The following TTLL7 variants were observed in gnomAD, a reference collection of about 807,000 sequenced individuals.
TTLL7 encodes the protein tubulin tyrosine ligase like 7.
Under a neutral mutation model 120.2 loss-of-function variants are expected in TTLL7, and 53 were observed. The observed-to-expected ratio is 0.44, with a 90% CI of 0.35 to 0.55. TTLL7 has a LOEUF of 0.55. Among genes scored for constraint, TTLL7 ranks in the 20% least tolerant of loss-of-function variants. The probability of loss-of-function intolerance (pLI) is 0.00; values close to 1 mark genes in which losing one functional copy is unlikely to be tolerated. For synonymous variants in TTLL7, 353 were observed against 351.7 expected (o/e 1.00, Z -0.04); for missense variants, 803 against 1,054.7 (o/e 0.76, Z 3.31).
intron 1 of TTLL7, among the ~76,000 whole-genome samples, chr1:83,973,995 T>C (rs2100578753): frequency 6.6e-6 from 1 of 152,130 alleles, no homozygotes; most frequent in Middle Eastern, 3.4e-3. Context: ...TCAGGCTGGA[T>C]CCTGAAGATT....
In TTLL7 at chr1:83,869,996, T is replaced by C. The variant is rs778975719; in HGVS notation, c.2630A>G (p.Asn877Ser). The C allele has an allele frequency of 6.1e-5, 97 of 1,592,850 alleles. 1 individual carries two copies. In the Middle Eastern group the frequency reaches 6.6e-4, roughly 11 times the overall value. The change falls in exon 21 of 21, where the codon AAT becomes AGT. Residue 877 changes from asparagine to serine, a missense_variant. By Grantham distance (46) the Asn-to-Ser change is conservative (BLOSUM62 1). This residue lies in a region of TTLL7 where 388 missense variants were observed against 450.4 expected (regional missense o/e 0.86). Transcript: ENST00000260505. ...KYNSPGMTRS[N>S]VLFTSRYGHL ...GCCATATCTGGATGTAAACAAAACATTGGAGCGAGTCATTCCAGGTGAATT... is the reference window on the plus strand; with the variant it reads ...GCCATATCTGGATGTAAACAAAACACTGGAGCGAGTCATTCCAGGTGAATT...
Position 83,988,068 on chromosome 1 carries a change from T to C in TTLL7, c.-177+10863A>G, listed in dbSNP as rs1461074027. Among the ~76,000 whole-genome samples, 16 of 152,298 alleles carry C rather than the reference T, an allele frequency of 1.1e-4. No homozygotes were observed. The South Asian group carries it at 1.9e-3, about 18-fold the overall frequency. ...TCCATATAGTAATCCCCAGAGTCTA[T>C]TGTTGTCATCTTTACGTCCATGAGT... On this transcript the variant is annotated intron_variant, in intron 1 of 20. Coordinates refer to ENST00000260505, the MANE Select transcript of TTLL7 (RefSeq NM_024686.6).
At chr1:83,873,482 T>TA (rs1653631307) in intron 20 of TTLL7, among the ~76,000 whole-genome samples, 2 of 152,140 alleles carry the variant, frequency 1.3e-5, no homozygotes, top group South Asian at 4.1e-4. Context: ...TGTAAAGCAC[T>TA]AAAAAATGGG....
At chr1:83,936,068 A>T (rs1017614082) in intron 8 of TTLL7, among the ~76,000 whole-genome samples, 1 of 152,174 alleles carries the variant, frequency 6.6e-6, no homozygotes, top group South Asian at 2.1e-4. Flanking sequence ...TCAGAGATTA[A>T]TAGGCCCACA....
intron 15 of TTLL7, 151 bp downstream of exon 15, chr1:83,911,014 G>A (rs1164855574): frequency 2.1e-5 from 13 of 632,860 alleles, no homozygotes; most frequent in Non-Finnish European, 3.3e-5. Flanking sequence ...TAAGGGATGT[G>A]CCCGAGTCTG....
chr1:83,981,031 C>T (rs1380342742), intron 1 of TTLL7: 3 of 147,154 alleles, frequency 2.0e-5, no homozygotes, highest in African/African-American at 5.2e-5. Flanking sequence ...GTTTCAAAAA[C>T]TTATAAATAA....
intron 1 of TTLL7, among the ~76,000 whole-genome samples, chr1:83,991,812 CTATT>C (rs1653026501): frequency 6.6e-6 from 1 of 152,062 alleles, no homozygotes; most frequent in Admixed American, 6.6e-5. Context: ...CTAAATCACT[CTATT>C]TATAGATATT....
chr1:83,896,728 T>C (rs1656257311), intron 18 of TTLL7, among the ~76,000 whole-genome samples: 1 of 152,088 alleles, frequency 6.6e-6, no homozygotes. Flanking sequence ...AACAAGGACC[T>C]CTTAGCACCC....
intron 18 of TTLL7, among the ~76,000 whole-genome samples, chr1:83,897,465 TATCAC>T (rs1656332344): frequency 6.6e-6 from 1 of 152,128 alleles, no homozygotes; most frequent in Non-Finnish European, 1.5e-5. Flanking sequence ...AATTAAAATG[TATCAC>T]GCACAGCCTT....
At chr1:83,893,398 G>GA (rs36085383) in intron 18 of TTLL7, among the ~76,000 whole-genome samples, 23 of 151,310 alleles carry the variant, frequency 1.5e-4, no homozygotes, top group Admixed American at 1.3e-3. Context: ...AAAAAAAAAT[G>GA]AACACCAAAT....
At chr1:83,904,282 G>T (rs180938981) in intron 17 of TTLL7, 123 bp from the exon 18 acceptor site, 22 of 672,670 alleles carry the variant, frequency 3.3e-5, no homozygotes, top group Non-Finnish European at 5.5e-5. Flanking sequence ...AAAAACACAT[G>T]TGCAAAGATT....
chr1:83,892,755 CAT>C (rs1427245878), intron 18 of TTLL7, among the ~76,000 whole-genome samples: 2 of 151,176 alleles, frequency 1.3e-5, no homozygotes, highest in African/African-American at 4.9e-5. Flanking sequence ...CATATGTGAA[CAT>C]ATATATGAGC....
At chr1:83,981,399 A>T (rs1651938896) in intron 1 of TTLL7, 1 of 152,176 alleles carries the variant, frequency 6.6e-6, no homozygotes, top group Non-Finnish European at 1.5e-5. Context: ...AAATCACTAG[A>T]GCCAAGGAGG....
intron 19 of TTLL7, among the ~76,000 whole-genome samples, chr1:83,884,095 T>C (rs1156284166): frequency 6.6e-6 from 1 of 151,710 alleles, no homozygotes; most frequent in Non-Finnish European, 1.5e-5. Flanking sequence ...CATCATGGTT[T>C]ATATCAGGAA....
intron 15 of TTLL7, among the ~76,000 whole-genome samples, chr1:83,910,227 C>T (rs2100769731): frequency 6.6e-6 from 1 of 152,130 alleles, no homozygotes; most frequent in East Asian, 1.9e-4. Flanking sequence ...TTAAAATATC[C>T]ACATTATCAG....
At chr1:83,976,031 CTCTGTG>C (rs1279108099) in intron 1 of TTLL7, among the ~76,000 whole-genome samples, 23 of 64,332 alleles carry the variant, frequency 3.6e-4, no homozygotes, top group South Asian at 3.3e-3. Context: ...TTTTGTCTCT[CTCTGTG>C]TGTGTGTGTG....
chr1:83,955,130 T>C (rs967118484), intron 1 of TTLL7, among the ~76,000 whole-genome samples: 1 of 152,124 alleles, frequency 6.6e-6, no homozygotes, highest in Non-Finnish European at 1.5e-5. Flanking sequence ...AAATACCACT[T>C]TTTCCTGAAA....
In TTLL7 at chr1:83,868,625, A is replaced by G. The variant is rs2100685915; in HGVS notation, c.*1337T>C. The G allele has an allele frequency of 6.6e-6, 1 of 152,340 alleles. No individual in the cohort carries two copies. The highest frequency in any genetic ancestry group is 1.9e-4 in the East Asian group (1 of 5,182). The allele number at this position is 152,340 out of a possible 1,614,324, so 9.4% of individuals were successfully genotyped here. ...AGAAACTACTGTATTAGAATTTGCA[A>G]TATAAGTTGATTTCAACCTTGAGAG... is the stretch of plus-strand genomic sequence containing the variant. On this transcript the variant is annotated 3_prime_UTR_variant, in exon 21 of 21. Coordinates refer to ENST00000260505, the MANE Select transcript of TTLL7 (RefSeq NM_024686.6).
intron 6 of TTLL7, among the ~76,000 whole-genome samples, chr1:83,945,582 T>C (rs2100848888): frequency 6.6e-6 from 1 of 152,250 alleles, no homozygotes; most frequent in South Asian, 2.1e-4. Context: ...ACAGATACAA[T>C]TCAATAGATG....
Sources: allele counts gnomAD v4.1 joint callset (sites outside exome capture counted in the v4.1 genomes callset), GRCh38; gene constraint gnomAD v4.1.1; regional missense constraint gnomAD v4.1.1; transcripts MANE v1.5; gene names NCBI Gene and HGNC (gene_info 2026-07-23, HGNC 2026-07-21).